LEKR1: variants seen among roughly 807,000 people sequenced by gnomAD.
LEKR1 encodes the protein protein LEKR1.
Under a neutral mutation model 72.4 loss-of-function variants are expected in LEKR1, and 59 were observed. That is an observed-to-expected ratio of 0.82 (90% confidence interval 0.66 to 1.01). The LOEUF is 1.01. Among genes scored for constraint, LEKR1 ranks in the 50% least tolerant of loss-of-function variants. The probability of loss-of-function intolerance (pLI) is 0.00; values close to 1 mark genes in which losing one functional copy is unlikely to be tolerated. For missense variants in LEKR1, 728 were observed against 759.2 expected, an observed-to-expected ratio of 0.96 and a Z score of 0.48; for synonymous variants, 257 against 263.2, an observed-to-expected ratio of 0.98 and a Z score of 0.23.
At chr3:156,841,412 A>G (rs1290623378) in intron 2 of LEKR1, among the ~76,000 whole-genome samples, 1 of 152,236 alleles carries the variant, frequency 6.6e-6, no homozygotes, top group East Asian at 1.9e-4. Context: ...TGTTTAAAAA[A>G]TACTAAAACC....
chr3:156,939,818 A>C (rs919704326), intron 5 of LEKR1, among the ~76,000 whole-genome samples: 2 of 152,182 alleles, frequency 1.3e-5, no homozygotes, highest in African/African-American at 4.8e-5. Flanking sequence ...TATCAGGCGA[A>C]TTCCACTCCC....
intron 3 of LEKR1, among the ~76,000 whole-genome samples, chr3:156,879,101 CT>C (rs1404409187): frequency 6.6e-6 from 1 of 152,022 alleles, no homozygotes; most frequent in Admixed American, 6.6e-5. Context: ...GTGGAAGCAA[CT>C]TTGGAACTGG....
At chr3:156,967,663 A>G (rs1422364589) in intron 6 of LEKR1, among the ~76,000 whole-genome samples, 1 of 152,256 alleles carries the variant, frequency 6.6e-6, no homozygotes, top group Non-Finnish European at 1.5e-5. Context: ...TGTACCTGAA[A>G]GTGATGGGGA....
At chr3:157,044,717 T>C (rs1351462817) in intron 12 of LEKR1, among the ~76,000 whole-genome samples, 1 of 152,224 alleles carries the variant, frequency 6.6e-6, no homozygotes, top group East Asian at 1.9e-4. Context: ...ATAGAATTAG[T>C]AGCAGAAGAT....
At chr3:156,966,761 A>G (rs1016965358) in intron 6 of LEKR1, among the ~76,000 whole-genome samples, 1 of 152,206 alleles carries the variant, frequency 6.6e-6, no homozygotes, top group Non-Finnish European at 1.5e-5. Context: ...GTCCCTGTCC[A>G]ACAGCTCTGA....
intron 9 of LEKR1, among the ~76,000 whole-genome samples, chr3:157,000,482 G>C (rs1047162871): frequency 2.0e-5 from 3 of 152,064 alleles, no homozygotes; most frequent in African/African-American, 7.2e-5. Context: ...CCACTGTTAA[G>C]CTTGGGCAAT....
chr3:157,026,948 AC>A (rs985443365), intron 11 of LEKR1, among the ~76,000 whole-genome samples: 10 of 152,334 alleles, frequency 6.6e-5, no homozygotes, highest in African/African-American at 2.4e-4. Context: ...TAGAGGAACC[AC>A]CTTGAGAAGC....
At chr3:156,926,129 A>G (rs533554313) in intron 4 of LEKR1, among the ~76,000 whole-genome samples, 2 of 152,124 alleles carry the variant, frequency 1.3e-5, no homozygotes, top group Non-Finnish European at 2.9e-5. Flanking sequence ...ATTCAGATAC[A>G]TTGGAGAAAG....
At chr3:156,901,375 A>G (rs1722019357) in intron 3 of LEKR1, among the ~76,000 whole-genome samples, 1 of 152,184 alleles carries the variant, frequency 6.6e-6, no homozygotes, top group African/African-American at 2.4e-5. Flanking sequence ...ATTTATCACA[A>G]TATAACTGTC....
At chr3:157,034,112 G>T (rs956798754) in intron 12 of LEKR1, among the ~76,000 whole-genome samples, 1 of 151,736 alleles carries the variant, frequency 6.6e-6, no homozygotes, top group Non-Finnish European at 1.5e-5. Flanking sequence ...GGTCACCCAA[G>T]AGCTCTGATG....
At position 156,899,611 on chromosome 3, in the gene LEKR1, C is replaced by CATAT. The variant is rs1361531672; in HGVS notation, c.264-20963_264-20962insTATA. On this transcript the variant is annotated intron_variant, in intron 3 of 12. Transcript: ENST00000356539. ...GTATATATACATATACGTATATATA[C>CATAT]ACACATATATACACATATATACACG... Among the ~76,000 whole-genome samples, 373 of 123,690 alleles carry CATAT rather than the reference C, an allele frequency of 3.0e-3. 32 individuals are homozygous for CATAT. The highest frequency in any genetic ancestry group is 0.014 in the African/African-American group (353 of 25,852). The allele number at this position is 123,690 out of a possible 152,430, so 81.1% of individuals were successfully genotyped here.
rs373990744 is a variant in LEKR1 at position 156,959,804 on chromosome 3, C to T, written c.745+17090C>T. On this transcript the variant is annotated intron_variant, in intron 6 of 12. Coordinates refer to ENST00000356539, the MANE Select transcript of LEKR1 (RefSeq NM_001004316.3). ...TTAATGTTTGCTGAATATTATGTCA[C>T]TATTGTGCTTCCTTATATTTTAAAA... Among the ~76,000 whole-genome samples, 46 of 152,224 alleles carry T rather than the reference C, an allele frequency of 3.0e-4. No homozygotes were observed. In the East Asian group the frequency reaches 5.8e-3, roughly 19 times the overall value.
chr3:157,013,949 G>C (rs568419845), intron 10 of LEKR1, among the ~76,000 whole-genome samples: 14 of 152,158 alleles, frequency 9.2e-5, no homozygotes, highest in African/African-American at 3.1e-4. Context: ...TATGTAAAAA[G>C]CACACAATAA....
At chr3:157,016,325 A>C (rs1733328655) in intron 10 of LEKR1, among the ~76,000 whole-genome samples, 1 of 152,194 alleles carries the variant, frequency 6.6e-6, no homozygotes, top group Admixed American at 6.5e-5. Context: ...ATTTTAAAGC[A>C]ACTGGATTTT....
At chr3:156,959,594 T>C (rs1044225210) in intron 6 of LEKR1, among the ~76,000 whole-genome samples, 2 of 152,154 alleles carry the variant, frequency 1.3e-5, no homozygotes, top group African/African-American at 4.8e-5. Context: ...AACTCTATAC[T>C]ATCCATTTCC....
At chr3:157,025,715 A>G (rs2108034851) in intron 11 of LEKR1, among the ~76,000 whole-genome samples, 1 of 152,328 alleles carries the variant, frequency 6.6e-6, no homozygotes, top group East Asian at 1.9e-4. Flanking sequence ...ATTGCTTTGC[A>G]GATACTACCT....
At position 156,903,625 on chromosome 3, in the gene LEKR1, A is replaced by C. The variant is rs146074816; in HGVS notation, c.264-16950A>C. On this transcript the variant is annotated intron_variant, in intron 3 of 12. Coordinates refer to ENST00000356539, the MANE Select transcript of LEKR1 (RefSeq NM_001004316.3). ...GCCTGTGTAGCTAGACCTTAGGAAT[A>C]ACCTTAACAAAGGACATTACTACCC... 4.5e-3 allele frequency among the ~76,000 whole-genome samples: 678 copies of C among 152,294 alleles called. 2 individuals carry two copies. The highest frequency in any genetic ancestry group is 0.016 in the African/African-American group (656 of 41,576).
intron 3 of LEKR1, among the ~76,000 whole-genome samples, chr3:156,866,926 G>T (rs1392700463): frequency 6.6e-6 from 1 of 152,046 alleles, no homozygotes; most frequent in Non-Finnish European, 1.5e-5. Flanking sequence ...GTTTCTTGAT[G>T]ATGATGTTGA....
At position 157,019,888 on chromosome 3, in the gene LEKR1, G is replaced by A. The variant is rs958388538; in HGVS notation, c.1204-4872G>A. Among the ~76,000 whole-genome samples the A allele has an allele frequency of 2.7e-4, 41 of 152,252 alleles. 1 individual carries two copies. Among genetic ancestry groups the A allele is most frequent in the Middle Eastern group, 6.8e-3 (2 of 294 alleles). Reference sequence around the variant, plus strand: ...TAATCTCATTTCTCTGTGCTAACACGTCAACACATTCAGATGGCTCTTAGC... The same window carrying A: ...TAATCTCATTTCTCTGTGCTAACACATCAACACATTCAGATGGCTCTTAGC... On this transcript the variant is annotated intron_variant, in intron 10 of 12. Transcript: ENST00000356539.
Sources: allele counts gnomAD v4.1 joint callset (sites outside exome capture counted in the v4.1 genomes callset), GRCh38; gene constraint gnomAD v4.1.1; transcripts MANE v1.5; gene names NCBI Gene and HGNC (gene_info 2026-07-23, HGNC 2026-07-21).